The following SCN11A variants were observed in gnomAD, a reference collection of about 807,000 sequenced individuals.
The protein encoded by SCN11A is sodium channel protein type 11 subunit alpha.
In SCN11A, 122 loss-of-function variants were observed where a neutral mutation model predicts 162.2. The observed-to-expected ratio is 0.75, with a 90% CI of 0.65 to 0.87. The LOEUF is 0.87. SCN11A is among the 40% of genes least tolerant of loss of function. The pLI is 0.00. For synonymous variants in SCN11A, 758 were observed against 751.5 expected, an observed-to-expected ratio of 1.01 and a Z score of -0.14; for missense variants, 2,015 against 2,181.6, an observed-to-expected ratio of 0.92 and a Z score of 1.52.
At chr3:38,856,657 G>A (rs2064874368) in intron 28 of SCN11A, among the ~76,000 whole-genome samples, 1 of 152,104 alleles carries the variant, frequency 6.6e-6, no homozygotes, top group Non-Finnish European at 1.5e-5. Flanking sequence ...CCTACTCAGG[G>A]ATACCTTCTC....
intron 2 of SCN11A, among the ~76,000 whole-genome samples, chr3:38,980,163 T>C (rs796349189): frequency 2.4e-4 from 36 of 152,090 alleles, no homozygotes; most frequent in African/African-American, 8.7e-4. Context: ...TCGTAAATGC[T>C]GGAGGAGGCA....
intron 2 of SCN11A, among the ~76,000 whole-genome samples, chr3:39,030,897 A>G (rs957668115): frequency 8.5e-5 from 13 of 152,186 alleles, no homozygotes; most frequent in African/African-American, 3.1e-4. Flanking sequence ...TTTGGTTATG[A>G]CTTTTCATCA....
At position 39,032,144 on chromosome 3, in the gene SCN11A, G is replaced by C. The variant is rs191217322; in HGVS notation, c.-280+236C>G. Among the ~76,000 whole-genome samples the C allele has an allele frequency of 3.7e-3, 564 of 152,198 alleles. 1 individual carries two copies. The highest frequency in any genetic ancestry group is 4.7e-3 in the Non-Finnish European group (317 of 67,998). On this transcript the variant is annotated intron_variant, in intron 2 of 29. Transcript: ENST00000302328. ...GATTGATGTCTGTGTCAGGAGCAGGGCAATAAAATAAACTCAGTTGCTCAA... is the reference window on the plus strand; with the variant it reads ...GATTGATGTCTGTGTCAGGAGCAGGCCAATAAAATAAACTCAGTTGCTCAA...
At chr3:38,972,758 A>G (rs1049189550) in intron 2 of SCN11A, among the ~76,000 whole-genome samples, 1 of 152,188 alleles carries the variant, frequency 6.6e-6, no homozygotes, top group Non-Finnish European at 1.5e-5. Context: ...AGACAGATAC[A>G]AGTAGATTGA....
At chr3:39,001,415 C>G (rs2030807278) in intron 2 of SCN11A, among the ~76,000 whole-genome samples, 1 of 152,172 alleles carries the variant, frequency 6.6e-6, no homozygotes, top group African/African-American at 2.4e-5. Flanking sequence ...CAAAATGTTT[C>G]TTTTCCAAGG....
intron 28 of SCN11A, among the ~76,000 whole-genome samples, chr3:38,856,989 A>AT (rs1448117537): frequency 5.1e-5 from 2 of 39,332 alleles, no homozygotes; most frequent in Admixed American, 3.9e-4. Flanking sequence ...TTTTAAATTT[A>AT]AAAAACACAG....
chr3:38,955,096 C>T (rs2066665913), intron 3 of SCN11A, among the ~76,000 whole-genome samples: 3 of 152,192 alleles, frequency 2.0e-5, no homozygotes, highest in South Asian at 4.1e-4. Context: ...TGAGACCAGC[C>T]TGGCCAACAT....
rs184877489 is a variant in SCN11A, at chr3:39,005,675, A to T, written c.-280+26705T>A. On this transcript the variant is annotated intron_variant, in intron 2 of 29. Coordinates refer to ENST00000302328, the MANE Select transcript of SCN11A (RefSeq NM_001349253.2). ...CCATTAACTTCTAGATCAACTATCC[A>T]TATTTTTTTATTTTAAAATATTGTC... Among the ~76,000 whole-genome samples the T allele has an allele frequency of 4.1e-3, 628 of 151,652 alleles. 9 individuals carry two copies. The highest frequency in any genetic ancestry group is 0.014 in the African/African-American group (596 of 41,202).
At chr3:38,925,564 G>T in intron 8 of SCN11A, 55 bp from the exon 9 acceptor site, 1 of 1,234,326 alleles carries the variant, frequency 8.1e-7, no homozygotes, top group Non-Finnish European at 1.2e-6. Flanking sequence ...CAGCTGCACT[G>T]CACATCTCCA....
chr3:38,938,137 A>G (rs2066366990), intron 7 of SCN11A, among the ~76,000 whole-genome samples: 1 of 152,058 alleles, frequency 6.6e-6, no homozygotes. Flanking sequence ...AGAACAAAAA[A>G]CCAAACACCG....
intron 14 of SCN11A, 141 bp downstream of exon 14, chr3:38,907,808 C>A (rs554373612): frequency 1.3e-5 from 9 of 703,190 alleles, no homozygotes; most frequent in Admixed American, 3.0e-5. Context: ...TGAAAAGACA[C>A]ATGGATGCAT....
chr3:39,042,974 A>AAAAAAG (rs1553652698), intron 1 of SCN11A, among the ~76,000 whole-genome samples: 12,504 of 101,290 alleles, frequency 0.12, 997 homozygotes, highest in East Asian at 0.25. Context: ...AAAAAAAAAA[A>AAAAAAG]AAAAAGAAAA....
chr3:38,906,510 AG>A (rs1382988394), intron 14 of SCN11A, among the ~76,000 whole-genome samples: 2 of 152,116 alleles, frequency 1.3e-5, no homozygotes, highest in African/African-American at 4.8e-5. Context: ...CCCTCCATCA[AG>A]TTAGCTAATC....
chr3:39,005,959 T>C (rs2030961031), intron 2 of SCN11A, among the ~76,000 whole-genome samples: 1 of 152,232 alleles, frequency 6.6e-6, no homozygotes, highest in Non-Finnish European at 1.5e-5. Context: ...TTCTAAATCA[T>C]TATTTTTAAG....
intron 11 of SCN11A, among the ~76,000 whole-genome samples, chr3:38,912,941 CAT>C (rs2065906414): frequency 6.6e-6 from 1 of 152,172 alleles, no homozygotes; most frequent in African/African-American, 2.4e-5. Flanking sequence ...AATGAACATG[CAT>C]GTGTGTGTAT....
At chr3:38,940,646 A>G (rs2066429098) in intron 7 of SCN11A, among the ~76,000 whole-genome samples, 1 of 152,134 alleles carries the variant, frequency 6.6e-6, no homozygotes, top group Admixed American at 6.6e-5. Context: ...ATGACACCCT[A>G]CCCTTGAATG....
chr3:38,858,843 A>G (rs1322673439), intron 28 of SCN11A, among the ~76,000 whole-genome samples: 2 of 152,180 alleles, frequency 1.3e-5, no homozygotes, highest in South Asian at 4.1e-4. Flanking sequence ...ACAGTGGAAA[A>G]AAACTGGAAA....
chr3:38,860,666 A>G (rs935679623), intron 28 of SCN11A, among the ~76,000 whole-genome samples: 2 of 152,204 alleles, frequency 1.3e-5, no homozygotes, highest in African/African-American at 4.8e-5. Flanking sequence ...CAGACACAGA[A>G]AAAGCATTTG....
rs904347525 is a variant in SCN11A, at chr3:39,050,556, C to G, written c.-404+1305G>C. On this transcript the variant is annotated intron_variant, in intron 1 of 29. Coordinates refer to ENST00000302328, the MANE Select transcript of SCN11A (RefSeq NM_001349253.2). ...TTTTGCTTAAGAAGCTTTCTGCCATCACAATTTTTACTCATCTAATTCACA... is the reference window on the plus strand; with the variant it reads ...TTTTGCTTAAGAAGCTTTCTGCCATGACAATTTTTACTCATCTAATTCACA... Among the ~76,000 whole-genome samples the G allele has an allele frequency of 3.9e-5, 6 of 152,078 alleles. No homozygotes were observed. In the East Asian group the frequency reaches 1.2e-3, roughly 29 times the overall value.
Sources: gnomAD v4.1 joint callset for allele counts (sites outside exome capture counted in the v4.1 genomes callset) on GRCh38, gnomAD v4.1.1 for gene constraint, MANE v1.5 for transcripts, NCBI Gene and HGNC (gene_info 2026-07-23, HGNC 2026-07-21) for gene names.